EXOC6: variants seen among roughly 807,000 people sequenced by gnomAD.
EXOC6 encodes exocyst complex component 6.
In EXOC6, 60 loss-of-function variants were observed where a neutral mutation model predicts 112.5. That is an observed-to-expected ratio of 0.53 (90% confidence interval 0.43 to 0.66). EXOC6 has a LOEUF of 0.66. Ranked by LOEUF, EXOC6 falls within the 30% of genes least tolerant of loss-of-function variation. The pLI, the probability that EXOC6 is intolerant of heterozygous loss-of-function variation, is 0.00. For synonymous variants in EXOC6, 295 were observed against 308.0 expected, an observed-to-expected ratio of 0.96 and a Z score of 0.44; for missense variants, 855 against 957.1, an observed-to-expected ratio of 0.89 and a Z score of 1.41.
At chr10:92,977,045 TATG>T (rs1842650773) in intron 18 of EXOC6, among the ~76,000 whole-genome samples, 1 of 152,106 alleles carries the variant, frequency 6.6e-6, no homozygotes, top group Admixed American at 6.6e-5. Flanking sequence ...CTTTTTATCT[TATG>T]ATACGATATA....
intron 1 of EXOC6, among the ~76,000 whole-genome samples, chr10:92,854,896 T>C (rs910196713): frequency 6.6e-6 from 1 of 151,746 alleles, no homozygotes; most frequent in East Asian, 1.9e-4. Context: ...GAGATGAGTA[T>C]TTGGGTTTTT....
intron 1 of EXOC6, chr10:92,834,946 T>A: frequency 2.0e-6 from 1 of 495,642 alleles, no homozygotes; most frequent in Non-Finnish European, 3.6e-6. Context: ...CAGTTCTGTA[T>A]ATACTTAATC....
intron 16 of EXOC6, 77 bp downstream of exon 16, chr10:92,954,818 C>A: frequency 1.5e-6 from 1 of 665,924 alleles, no homozygotes; most frequent in South Asian, 1.9e-5. Context: ...GAACGTCATT[C>A]TGTAAAACTA....
chr10:92,837,135 C>CACACA (rs1491410273), intron 1 of EXOC6, among the ~76,000 whole-genome samples: 11 of 151,268 alleles, frequency 7.3e-5, no homozygotes, highest in East Asian at 2.0e-4. Flanking sequence ...CACACACACA[C>CACACA]AAGCCAGAAC....
chr10:92,888,535 C>T (rs1181273035), intron 1 of EXOC6, among the ~76,000 whole-genome samples: 1 of 152,176 alleles, frequency 6.6e-6, no homozygotes, highest in African/African-American at 2.4e-5. Flanking sequence ...CAGTCAAATC[C>T]TCCCTTGAAG....
Position 92,952,402 on chromosome 10 carries a change from A to T in EXOC6, c.1526+20A>T, listed in dbSNP as rs1215816176. On this transcript the variant is annotated intron_variant, in intron 15 of 21. Transcript: ENST00000260762. ...CCGGAGGTGAGTTTACTAATCACAAATGCATTTTTGTCATAACTTTTATGA... is the reference window on the plus strand; with the variant it reads ...CCGGAGGTGAGTTTACTAATCACAATTGCATTTTTGTCATAACTTTTATGA... 2.9e-6 allele frequency: 4 copies of T among 1,403,144 alleles called. No individual in the cohort carries two copies. Among genetic ancestry groups the T allele is most frequent in the Non-Finnish European group, 4.0e-6 (4 of 996,290 alleles). 86.9% of individuals were successfully genotyped at this position (1,403,144 alleles called of 1,614,324 possible).
chr10:92,880,802 G>C (rs1848925864), intron 1 of EXOC6, among the ~76,000 whole-genome samples: 2 of 151,850 alleles, frequency 1.3e-5, no homozygotes, highest in Admixed American at 6.6e-5. Flanking sequence ...GGCATCCAGG[G>C]GTAGAAAATA....
chr10:92,982,213 C>G (rs1842852305), intron 18 of EXOC6, among the ~76,000 whole-genome samples: 1 of 152,044 alleles, frequency 6.6e-6, no homozygotes, highest in Admixed American at 6.6e-5. Context: ...GGGTATTTTT[C>G]AAGAAAATCT....
chr10:92,884,350 GT>G (rs950903514), intron 1 of EXOC6, among the ~76,000 whole-genome samples: 11 of 152,110 alleles, frequency 7.2e-5, no homozygotes, highest in African/African-American at 2.7e-4. Flanking sequence ...GCTAGTTTTT[GT>G]TTTTTCTTAA....
rs752644074 is a variant in EXOC6 at position 92,919,991 on chromosome 10, G to C, written c.829G>C (p.Val277Leu). 3.7e-6 allele frequency: 6 copies of C among 1,603,270 alleles called. No individual in the cohort carries two copies. Among genetic ancestry groups the C allele is most frequent in the Non-Finnish European group, 5.1e-6 (6 of 1,173,948 alleles). The change falls in exon 8 of 22, where the codon GTT becomes CTT. Residue 277 changes from valine (V) to leucine (L), a missense_variant. Around this residue, in one of 2 missense-constraint regions of EXOC6, gnomAD observed 405 missense variants for 393.6 expected, o/e 1.03. Coordinates refer to ENST00000260762, the MANE Select transcript of EXOC6 (RefSeq NM_019053.6). ...ATGGTTTAATTTTCAGATCTTAACT[G>C]TTCAGGATCTTGTTGATTTTTCCCC... ...EDENEEEILT[V>L]QDLVDFSPVY...
Position 93,058,383 on chromosome 10 carries a change from C to A in EXOC6, c.*28C>A. ...CTCACATGGCTTGCACTCAGTGACA[C>A]CAAATCCATGATTCAATGTTGATCT... On this transcript the variant is annotated 3_prime_UTR_variant, in exon 22 of 22. Transcript: ENST00000260762. 2 of 1,555,566 alleles carry A rather than the reference C, an allele frequency of 1.3e-6. No homozygotes were observed. The highest frequency in any genetic ancestry group is 1.7e-6 in the Non-Finnish European group (2 of 1,155,728).
chr10:93,036,938 T>C (rs1265070558), intron 20 of EXOC6, among the ~76,000 whole-genome samples: 1 of 152,212 alleles, frequency 6.6e-6, no homozygotes, highest in Non-Finnish European at 1.5e-5. Flanking sequence ...TCAATATTCC[T>C]GCTCTTTTTT....
At chr10:92,834,752 A>C in exon 1 of EXOC6, 2 of 1,610,202 alleles carry the variant, frequency 1.2e-6, no homozygotes, top group Non-Finnish European at 1.7e-6. Context: ...TTGGAAGAAG[A>C]AACAGATCAA....
At chr10:92,838,458 G>C (rs1029996702) in intron 1 of EXOC6, among the ~76,000 whole-genome samples, 2 of 152,288 alleles carry the variant, frequency 1.3e-5, no homozygotes, top group African/African-American at 4.8e-5. Flanking sequence ...TGATTCTGAG[G>C]TCTTGCATTT....
intron 20 of EXOC6, among the ~76,000 whole-genome samples, chr10:93,014,549 A>G (rs751289879): frequency 1.3e-5 from 2 of 152,202 alleles, no homozygotes; most frequent in Non-Finnish European, 2.9e-5. Context: ...GCTTGCTATA[A>G]TGACACTTGA....
intron 8 of EXOC6, among the ~76,000 whole-genome samples, chr10:92,925,861 A>T (rs1851685892): frequency 6.6e-6 from 1 of 151,864 alleles, no homozygotes; most frequent in African/African-American, 2.4e-5. Context: ...AGATAGCTTG[A>T]CATGCTGCCT....
At chr10:92,934,100 C>T (rs1292709404) in intron 9 of EXOC6, 44 bp from the exon 10 acceptor site, 2 of 1,171,800 alleles carry the variant, frequency 1.7e-6, no homozygotes, top group Non-Finnish European at 2.5e-6. Flanking sequence ...CTTTATGTTA[C>T]CAGTATTTAT....
chr10:92,993,952 A>G (rs766436270), intron 18 of EXOC6, among the ~76,000 whole-genome samples: 2 of 152,234 alleles, frequency 1.3e-5, no homozygotes, highest in Non-Finnish European at 2.9e-5. Flanking sequence ...GAGTTTTCTT[A>G]CTGATTTCAC....
In EXOC6 at chr10:93,042,928, ATTATTATT is replaced by A. The variant is rs1564933850; in HGVS notation, c.2170-13995_2170-13988del. Among the ~76,000 whole-genome samples, 749 of 97,730 alleles carry A rather than the reference ATTATTATT, an allele frequency of 7.7e-3. 4 individuals carry two copies. Among genetic ancestry groups the A allele is most frequent in the Non-Finnish European group, 0.014 (495 of 34,690 alleles). The allele number at this position is 97,730 out of a possible 152,430, so 64.1% of individuals were successfully genotyped here. A position where few individuals can be genotyped will look rare whatever the true frequency, so the allele number is the denominator to read the frequency against. ...ATAATCAAATATCAGATATTTTACT[ATTATTATT>A]ATTATTATTATTATTATTATTATTT... On this transcript the variant is annotated intron_variant, in intron 20 of 21. Coordinates refer to ENST00000260762, the MANE Select transcript of EXOC6 (RefSeq NM_019053.6).
Sources: allele counts gnomAD v4.1 joint callset (sites outside exome capture counted in the v4.1 genomes callset), GRCh38; gene constraint gnomAD v4.1.1; regional missense constraint gnomAD v4.1.1; transcripts MANE v1.5; gene names NCBI Gene and HGNC (gene_info 2026-07-23, HGNC 2026-07-21).